Variants in TBC1D30 observed in about 807,000 individuals in gnomAD.
TBC1D30 encodes TBC1 domain family member 30.
A neutral mutation model predicts 63.2 loss-of-function variants in TBC1D30; 31 were observed. That is an observed-to-expected ratio of 0.49 (90% CI 0.37 to 0.66). The LOEUF is 0.66. Ranked by LOEUF, TBC1D30 falls within the 30% of genes least tolerant of loss-of-function variation. The pLI, the probability that TBC1D30 is intolerant of heterozygous loss-of-function variation, is 0.00. For synonymous variants in TBC1D30, 307 were observed against 361.5 expected (o/e 0.85, Z 1.71); for missense variants, 810 against 953.6 (o/e 0.85, Z 1.98).
At chr12:64,836,250 C>A (rs998943961) in intron 5 of TBC1D30, among the ~76,000 whole-genome samples, 6 of 152,172 alleles carry the variant, frequency 3.9e-5, no homozygotes, top group African/African-American at 1.4e-4. Flanking sequence ...AGCAACCCAT[C>A]TAGAAATTTC....
At position 64,876,620 on chromosome 12, in the gene TBC1D30, C is replaced by A. The variant is rs564984707; in HGVS notation, c.*832C>A. On this transcript the variant is annotated 3_prime_UTR_variant, in exon 12 of 12. Transcript: ENST00000539867. Reference sequence around the variant, plus strand: ...GCTCCATGCGGAGCCTGGCCTGCATCCCCCACCACACAGCTCACTCACCCA... The same window carrying A: ...GCTCCATGCGGAGCCTGGCCTGCATACCCCACCACACAGCTCACTCACCCA... The A allele has an allele frequency of 1.0e-3, 370 of 359,462 alleles. No individual in the cohort carries two copies. The highest frequency in any genetic ancestry group is 7.5e-3 in the African/African-American group (352 of 47,018). 22.3% of individuals were successfully genotyped at this position (359,462 alleles called of 1,614,324 possible). A position where few individuals can be genotyped will look rare whatever the true frequency, so the allele number is the denominator to read the frequency against.
chr12:64,860,505 G>T (rs908564311), intron 8 of TBC1D30, among the ~76,000 whole-genome samples: 1 of 151,574 alleles, frequency 6.6e-6, no homozygotes, highest in Non-Finnish European at 1.5e-5. Context: ...GTTCCTTAAT[G>T]TTACGGGCTT....
At chr12:64,824,454 G>A (rs35181569), upstream of TBC1D30, 265 of 165,282 alleles carry the variant, frequency 1.6e-3, 1 homozygote, top group Non-Finnish European at 2.8e-3. Flanking sequence ...CTCTGTTTCT[G>A]CTTTTGGTCC....
intron 8 of TBC1D30, among the ~76,000 whole-genome samples, chr12:64,859,458 C>G (rs896857311): frequency 2.0e-5 from 3 of 152,130 alleles, no homozygotes; most frequent in African/African-American, 7.2e-5. Flanking sequence ...TTTGAGTCAA[C>G]TCCACGGGCA....
chr12:64,863,493 G>A (rs1877963804), intron 8 of TBC1D30, among the ~76,000 whole-genome samples: 2 of 152,222 alleles, frequency 1.3e-5, no homozygotes, highest in African/African-American at 4.8e-5. Flanking sequence ...ACAGCTTAGA[G>A]ATTATGTTTG....
At chr12:64,827,320 G>A (rs1319342936) in intron 1 of TBC1D30, among the ~76,000 whole-genome samples, 1 of 152,114 alleles carries the variant, frequency 6.6e-6, no homozygotes, top group Non-Finnish European at 1.5e-5. Context: ...GTGGTAGCAC[G>A]TGCCTATAAT....
upstream of TBC1D30, among the ~76,000 whole-genome samples, chr12:64,823,188 T>G (rs948851218): frequency 6.6e-6 from 1 of 152,162 alleles, no homozygotes; most frequent in African/African-American, 2.4e-5. Context: ...GCATACTTAT[T>G]TATTTGCTTT....
intron 10 of TBC1D30, among the ~76,000 whole-genome samples, chr12:64,869,265 T>G (rs1405289696): frequency 1.3e-5 from 2 of 152,192 alleles, no homozygotes; most frequent in Non-Finnish European, 2.9e-5. Flanking sequence ...ATCTTCTCTT[T>G]TTTTGGTTCT....
Position 64,824,874 on chromosome 12 carries a change from T to G in TBC1D30, c.-6T>G. On this transcript the variant is annotated 5_prime_UTR_variant, in exon 1 of 12. Transcript: ENST00000539867. ...GTAGCCGTGCCAGAGCCCGGGGCGC[T>G]CTCGGATGCGGCAGGACAAGCTGAC... The G allele has an allele frequency of 6.5e-7, 1 of 1,532,374 alleles. No homozygotes were observed. Among genetic ancestry groups the G allele is most frequent in the Non-Finnish European group, 8.7e-7 (1 of 1,145,826 alleles). The allele number at this position is 1,532,374 out of a possible 1,614,324, so 94.9% of individuals were successfully genotyped here.
Position 64,875,443 on chromosome 12 carries a change from G to T in TBC1D30, c.1941G>T (p.Val647=). ...AGCCGGTGTTCGGAGATGCTGATGT[G>T]GATGTGTCTGCAGTTCAGGCGAAGT... ...SPEPVFGDAD[V]DVSAVQAKLG... The change falls in exon 12 of 12, where the codon GTG becomes GTT. Residue 647 remains valine, a synonymous_variant. Coordinates refer to ENST00000539867, the MANE Select transcript of TBC1D30 (RefSeq NM_015279.2). 2 of 1,536,182 alleles carry T rather than the reference G, an allele frequency of 1.3e-6. No homozygotes were observed. Among genetic ancestry groups the T allele is most frequent in the Non-Finnish European group, 1.7e-6 (2 of 1,146,920 alleles).
At chr12:64,791,025 A>G (rs1265791646) in intron 2 of TBC1D30, among the ~76,000 whole-genome samples, 1 of 152,274 alleles carries the variant, frequency 6.6e-6, no homozygotes, top group Non-Finnish European at 1.5e-5. Context: ...CAAAAAGTAG[A>G]AACAATTCAA....
chr12:64,851,315 C>T (rs1876855047), intron 8 of TBC1D30, among the ~76,000 whole-genome samples: 1 of 152,066 alleles, frequency 6.6e-6, no homozygotes, highest in African/African-American at 2.4e-5. Flanking sequence ...CAGCATCATC[C>T]TCATACCAAA....
rs975213132 is a variant in TBC1D30, at chr12:64,879,140, A to G, written c.*3352A>G. On this transcript the variant is annotated 3_prime_UTR_variant, in exon 12 of 12. Transcript: ENST00000539867. ...ACAAAAAGAGCATAAAGAATCATCAATACTCTGATATAGATATAGATCTTT... is the reference window on the plus strand; with the variant it reads ...ACAAAAAGAGCATAAAGAATCATCAGTACTCTGATATAGATATAGATCTTT... The G allele has an allele frequency of 6.6e-6, 1 of 152,650 alleles. No homozygotes were observed. The highest frequency in any genetic ancestry group is 1.9e-4 in the East Asian group (1 of 5,206). The allele number at this position is 152,650 out of a possible 1,614,324, so 9.5% of individuals were successfully genotyped here.
rs1450216776 is a variant in TBC1D30 at position 64,880,493 on chromosome 12, T to C, written c.*4705T>C. ...GGTTTGCAGATGGCTACCTTCTCAC[T>C]GTGTCCTCACACAATGGAGAAAGGG... On this transcript the variant is annotated 3_prime_UTR_variant, in exon 12 of 12. Transcript: ENST00000539867. 6.6e-6 allele frequency: 1 copy of C among 152,284 alleles called. No homozygotes were observed. Among genetic ancestry groups the C allele is most frequent in the African/African-American group, 2.4e-5 (1 of 41,470 alleles). 9.4% of individuals were successfully genotyped at this position (152,284 alleles called of 1,614,324 possible).
At position 64,876,620 on chromosome 12, in the gene TBC1D30, C is replaced by G. The variant is rs564984707; in HGVS notation, c.*832C>G. ...GCTCCATGCGGAGCCTGGCCTGCAT[C>G]CCCCACCACACAGCTCACTCACCCA... On this transcript the variant is annotated 3_prime_UTR_variant, in exon 12 of 12. Transcript: ENST00000539867. 4 of 359,462 alleles carry G rather than the reference C, an allele frequency of 1.1e-5. No individual in the cohort carries two copies. The Admixed American group carries it at 1.4e-4, about 13-fold the overall frequency. The allele number at this position is 359,462 out of a possible 1,614,324, so 22.3% of individuals were successfully genotyped here.
intron 10 of TBC1D30, among the ~76,000 whole-genome samples, chr12:64,869,920 C>T (rs1878521176): frequency 1.3e-5 from 2 of 152,118 alleles, no homozygotes; most frequent in South Asian, 2.1e-4. Flanking sequence ...TGCTGTCTCC[C>T]GCTTTGGCCT....
At chr12:64,860,017 CTTT>C (rs534789255) in intron 8 of TBC1D30, among the ~76,000 whole-genome samples, 2 of 138,020 alleles carry the variant, frequency 1.4e-5, no homozygotes. Context: ...GATTCTTCTT[CTTT>C]TTTTTTTTTT....
At chr12:64,785,928 G>A (rs1230999985) in exon 2 of TBC1D30, 1 of 1,289,838 alleles carries the variant, frequency 7.8e-7, no homozygotes, top group South Asian at 1.2e-5. Flanking sequence ...GTACAGAATT[G>A]GCATCCAGTC....
chr12:64,828,609 A>G, intron 3 of TBC1D30, 100 bp downstream of exon 3: 2 of 750,396 alleles, frequency 2.7e-6, no homozygotes, highest in Non-Finnish European at 4.3e-6. Flanking sequence ...TAGTTACTTG[A>G]AAACCTGTCT....
Sources: gnomAD v4.1 joint callset for allele counts (sites outside exome capture counted in the v4.1 genomes callset) on GRCh38, gnomAD v4.1.1 for gene constraint, MANE v1.5 for transcripts, NCBI Gene and HGNC (gene_info 2026-07-23, HGNC 2026-07-21) for gene names.